Variants in CDH18 observed in about 807,000 individuals in gnomAD.
CDH18 encodes the protein cadherin-18.
Under a neutral mutation model 67.9 loss-of-function variants are expected in CDH18, and 31 were observed. The ratio of observed to expected loss-of-function variants is 0.46; its 90% CI spans 0.34 to 0.62. The LOEUF is 0.62. Ranked by LOEUF, CDH18 falls within the 20% of genes least tolerant of loss-of-function variation. The pLI, the probability that CDH18 is intolerant of heterozygous loss-of-function variation, is 0.01. For missense variants in CDH18, 890 were observed against 975.5 expected (o/e 0.91, Z 1.17); for synonymous variants, 362 against 347.2 (o/e 1.04, Z -0.48).
intron 2 of CDH18, among the ~76,000 whole-genome samples, chr5:19,929,651 G>A (rs1793464107): frequency 6.6e-6 from 1 of 151,932 alleles, no homozygotes; most frequent in African/African-American, 2.4e-5. Flanking sequence ...TAGTCTGCAT[G>A]GTATTTAGGA....
chr5:19,671,472 G>C (rs1322391816), intron 5 of CDH18, among the ~76,000 whole-genome samples: 1 of 151,950 alleles, frequency 6.6e-6, no homozygotes, highest in African/African-American at 2.4e-5. Flanking sequence ...ATCTACATTT[G>C]ATATTAAGTT....
At chr5:20,375,881 A>G (rs1014954802) in intron 1 of CDH18, among the ~76,000 whole-genome samples, 2 of 151,974 alleles carry the variant, frequency 1.3e-5, no homozygotes, top group African/African-American at 2.4e-5. Context: ...TGGCTTTAGT[A>G]TAGTGTGGAA....
At chr5:20,227,013 C>G (rs982551749) in intron 2 of CDH18, among the ~76,000 whole-genome samples, 1 of 151,922 alleles carries the variant, frequency 6.6e-6, no homozygotes, top group African/African-American at 2.4e-5. Context: ...ATCTCTTAAC[C>G]CAATTATTTT....
At chr5:20,515,013 A>T (rs1027807036) in intron 1 of CDH18, among the ~76,000 whole-genome samples, 7 of 150,980 alleles carry the variant, frequency 4.6e-5, no homozygotes, top group Non-Finnish European at 8.9e-5. Flanking sequence ...AGTAAAAATT[A>T]AAAAAAAACA....
At chr5:20,399,323 A>G (rs898989673) in intron 1 of CDH18, among the ~76,000 whole-genome samples, 1 of 152,218 alleles carries the variant, frequency 6.6e-6, no homozygotes, top group African/African-American at 2.4e-5. Flanking sequence ...TTATGTCCAC[A>G]TAACAAAAAG....
At chr5:19,673,368 T>C (rs1338613402) in intron 5 of CDH18, among the ~76,000 whole-genome samples, 1 of 152,080 alleles carries the variant, frequency 6.6e-6, no homozygotes, top group Non-Finnish European at 1.5e-5. Context: ...TTATATTTTA[T>C]TAATAAGTCT....
intron 6 of CDH18, among the ~76,000 whole-genome samples, chr5:19,611,413 A>C (rs1442977825): frequency 6.6e-6 from 1 of 152,176 alleles, no homozygotes; most frequent in Non-Finnish European, 1.5e-5. Flanking sequence ...CTTCAGAGAA[A>C]CTTGTAGCAG....
chr5:19,726,952 C>T (rs962687797), intron 4 of CDH18, among the ~76,000 whole-genome samples: 3 of 152,122 alleles, frequency 2.0e-5, no homozygotes, highest in Non-Finnish European at 4.4e-5. Flanking sequence ...TATGATGACA[C>T]AGCAAGAAGA....
intron 2 of CDH18, among the ~76,000 whole-genome samples, chr5:19,950,241 A>G (rs865997048): frequency 2.0e-5 from 3 of 152,218 alleles, no homozygotes; most frequent in Middle Eastern, 6.8e-3. Context: ...GGAGTTAGAA[A>G]CAATTATTTT....
chr5:19,986,004 C>A (rs1799522171), intron 1 of CDH18, among the ~76,000 whole-genome samples: 1 of 151,980 alleles, frequency 6.6e-6, no homozygotes, highest in South Asian at 2.1e-4. Context: ...CTGTTGGGAC[C>A]CAAAAACTTG....
At chr5:20,273,443 A>C (rs527951599) in intron 1 of CDH18, among the ~76,000 whole-genome samples, 2 of 152,078 alleles carry the variant, frequency 1.3e-5, no homozygotes, top group East Asian at 3.9e-4. Context: ...AGCAATATGA[A>C]ATGGTTCAGA....
chr5:19,955,441 A>G (rs1796170627), intron 2 of CDH18, among the ~76,000 whole-genome samples: 1 of 152,136 alleles, frequency 6.6e-6, no homozygotes, highest in African/African-American at 2.4e-5. Flanking sequence ...ATTCTGATAA[A>G]GCTGTGAGAT....
chr5:19,745,988 T>C (rs1769943411), intron 4 of CDH18, among the ~76,000 whole-genome samples: 1 of 152,090 alleles, frequency 6.6e-6, no homozygotes, highest in South Asian at 2.1e-4. Context: ...TAAGTGACTA[T>C]AAGAACCTCA....
At chr5:20,304,173 C>A (rs1736203198) in intron 1 of CDH18, 24 of 1,530,496 alleles carry the variant, frequency 1.6e-5, no homozygotes, top group Non-Finnish European at 1.9e-5. Flanking sequence ...GGAACACAGA[C>A]AATAAAAACG....
chr5:20,341,063 G>T (rs981625235), intron 1 of CDH18, among the ~76,000 whole-genome samples: 2 of 152,140 alleles, frequency 1.3e-5, no homozygotes, highest in South Asian at 2.1e-4. Context: ...CCACCATACT[G>T]GTTCAAATCC....
intron 1 of CDH18, among the ~76,000 whole-genome samples, chr5:20,402,282 G>C (rs917314476): frequency 6.6e-6 from 1 of 152,164 alleles, no homozygotes; most frequent in South Asian, 2.1e-4. Flanking sequence ...CTGTGTATTT[G>C]GTCATTGCCT....
intron 3 of CDH18, among the ~76,000 whole-genome samples, chr5:19,797,285 TCTG>T (rs1357399203): frequency 6.6e-6 from 1 of 151,952 alleles, no homozygotes; most frequent in African/African-American, 2.4e-5. Flanking sequence ...GAAAAACATG[TCTG>T]CTCTAGTAAC....
chr5:20,367,395 CT>C (rs1272729650), intron 1 of CDH18, among the ~76,000 whole-genome samples: 1 of 152,176 alleles, frequency 6.6e-6, no homozygotes, highest in African/African-American at 2.4e-5. Flanking sequence ...CTTTCGCTGG[CT>C]GGCCAGATCA....
chr5:19,557,569 C>G (rs1738662718), intron 8 of CDH18, among the ~76,000 whole-genome samples: 1 of 151,380 alleles, frequency 6.6e-6, no homozygotes, highest in South Asian at 2.1e-4. Context: ...AGAACTAGTC[C>G]AACAGAAAAA....
Sources: gnomAD v4.1 joint callset for allele counts (sites outside exome capture counted in the v4.1 genomes callset) on GRCh38, gnomAD v4.1.1 for gene constraint, MANE v1.5 for transcripts, NCBI Gene and HGNC (gene_info 2026-07-23, HGNC 2026-07-21) for gene names.